PRELID2: variants seen among roughly 807,000 people sequenced by gnomAD.
PRELID2 encodes the protein PRELI domain-containing protein 2.
A neutral mutation model predicts 28.4 loss-of-function variants in PRELID2; 25 were observed. That is an observed-to-expected ratio of 0.88 (90% CI 0.64 to 1.23). The LOEUF (loss-of-function observed/expected upper bound fraction) is 1.23. PRELID2 is among the 50% of genes most tolerant of loss of function. PRELID2 has a pLI of 0.00. For missense variants in PRELID2, 201 were observed against 214.4 expected (o/e 0.94, Z 0.39); for synonymous variants, 76 against 71.6 (o/e 1.06, Z -0.31).
the PRELID2 span, among the ~76,000 whole-genome samples, chr5:145,358,386 C>G: frequency 1.5e-4 from 23 of 151,942 alleles, no homozygotes; most frequent in African/African-American, 5.6e-4. Context: ...CAGCCATTGT[C>G]CCACCTTGCT....
At chr5:145,593,563 G>C (rs1309344233) in intron 1 of PRELID2, among the ~76,000 whole-genome samples, 1 of 152,054 alleles carries the variant, frequency 6.6e-6, no homozygotes. Flanking sequence ...GAATCCTAAG[G>C]AATCAACTCA....
At chr5:145,706,471 G>T (rs549489334) in intron 1 of PRELID2, among the ~76,000 whole-genome samples, 2 of 152,112 alleles carry the variant, frequency 1.3e-5, no homozygotes, top group East Asian at 3.9e-4. Flanking sequence ...TCAAGGGAGC[G>T]CCCACTCAAA....
At chr5:145,663,106 T>C (rs189833652) in intron 1 of PRELID2, among the ~76,000 whole-genome samples, 1 of 152,138 alleles carries the variant, frequency 6.6e-6, no homozygotes, top group Non-Finnish European at 1.5e-5. Flanking sequence ...TCTATAGATA[T>C]GGGACATGCT....
chr5:145,790,721 G>GTGTGTGTGTGTATATATATA lies in PRELID2; in HGVS notation c.474+5720_474+5721insTATATATATACACACACACA, dbSNP rs772901344. Among the ~76,000 whole-genome samples, 117 of 110,892 alleles carry GTGTGTGTGTGTATATATATA rather than the reference G, an allele frequency of 1.1e-3. 2 individuals are homozygous for GTGTGTGTGTGTATATATATA. Among genetic ancestry groups the GTGTGTGTGTGTATATATATA allele is most frequent in the East Asian group, 9.5e-3 (33 of 3,458 alleles). 72.7% of individuals were successfully genotyped at this position (110,892 alleles called of 152,430 possible). On this transcript the variant is annotated intron_variant, in intron 5 of 6. Coordinates refer to ENST00000683046, the MANE Select transcript of PRELID2 (RefSeq NM_205846.3). ...CCACATTGTGTGTGTGTGTGTGTGT[G>GTGTGTGTGTGTATATATATA]TATATATATATATATATATATATAT...
At chr5:145,308,772 G>A in the PRELID2 span, among the ~76,000 whole-genome samples, 1 of 152,128 alleles carries the variant, frequency 6.6e-6, no homozygotes, top group African/African-American at 2.4e-5. Flanking sequence ...TGGCAACAAA[G>A]AATTCAAATA....
intron 1 of PRELID2, among the ~76,000 whole-genome samples, chr5:145,548,400 T>A (rs1752805141): frequency 6.6e-6 from 1 of 152,250 alleles, no homozygotes; most frequent in Non-Finnish European, 1.5e-5. Flanking sequence ...AAAATTGCTC[T>A]GTCTTTGGCC....
rs1311875833 is a variant in PRELID2 at position 145,492,960 on chromosome 5, A to G, written n.71-19645T>C. Among the ~76,000 whole-genome samples the G allele has an allele frequency of 1.4e-5, 2 of 140,420 alleles. 1 individual carries two copies. Among genetic ancestry groups the G allele is most frequent in the Non-Finnish European group, 3.2e-5 (2 of 62,400 alleles). 92.1% of individuals were successfully genotyped at this position (140,420 alleles called of 152,430 possible). On this transcript the variant is annotated intron_variant and non_coding_transcript_variant, in intron 1 of 2. Coordinates refer to the PRELID2 transcript ENST00000510259. The stretch of plus-strand genomic sequence containing the variant: ...GTGGTAAGCCCAGTGTTGGGGTAAA[A>G]GTCAATGTTCTGTATTCACTTCCCT...
chr5:145,713,785 TTTTAAATGTAATTACA>T (rs1255044090), intron 1 of PRELID2, among the ~76,000 whole-genome samples: 2 of 149,062 alleles, frequency 1.3e-5, no homozygotes, highest in East Asian at 2.0e-4. Context: ...TGGAATTACA[TTTTAAATGTAATTACA>T]TTTAAATGTA....
chr5:145,526,970 C>T (rs1752609743), intron 1 of PRELID2, among the ~76,000 whole-genome samples: 1 of 152,146 alleles, frequency 6.6e-6, no homozygotes, highest in Non-Finnish European at 1.5e-5. Context: ...CCATTTAATA[C>T]TGAACAATGT....
At chr5:145,727,209 G>C (rs924154012) in intron 1 of PRELID2, among the ~76,000 whole-genome samples, 2 of 152,184 alleles carry the variant, frequency 1.3e-5, no homozygotes, top group African/African-American at 2.4e-5. Flanking sequence ...TAGGAGACTG[G>C]GAGGGCTAGA....
At chr5:145,320,273 C>G in the PRELID2 span, among the ~76,000 whole-genome samples, 1 of 142,786 alleles carries the variant, frequency 7.0e-6, no homozygotes, top group South Asian at 2.2e-4. Flanking sequence ...CACTCAACAG[C>G]TTTTTTTTTT....
chr5:145,827,973 G>A (rs1035611506), intron 1 of PRELID2, among the ~76,000 whole-genome samples: 1 of 152,120 alleles, frequency 6.6e-6, no homozygotes, highest in African/African-American at 2.4e-5. Context: ...GTGGTTTGGG[G>A]AAGCTGGAAA....
At chr5:145,578,915 G>T (rs1463294293) in intron 1 of PRELID2, among the ~76,000 whole-genome samples, 1 of 152,014 alleles carries the variant, frequency 6.6e-6, no homozygotes, top group African/African-American at 2.4e-5. Flanking sequence ...GTTTATAGTT[G>T]GTAGTGGTAG....
chr5:145,385,536 C>T, the PRELID2 span, among the ~76,000 whole-genome samples: 1 of 152,178 alleles, frequency 6.6e-6, no homozygotes, highest in Middle Eastern at 3.4e-3. Context: ...GTTTGGAAAC[C>T]AATTTAACTT....
intron 1 of PRELID2, among the ~76,000 whole-genome samples, chr5:145,671,634 C>T (rs1290951853): frequency 1.3e-5 from 2 of 152,188 alleles, no homozygotes; most frequent in East Asian, 3.9e-4. Flanking sequence ...AATTCACCAG[C>T]ATTCGACATC....
At chr5:145,484,293 G>A (rs1000493006) in intron 1 of PRELID2, among the ~76,000 whole-genome samples, 1 of 152,172 alleles carries the variant, frequency 6.6e-6, no homozygotes, top group Non-Finnish European at 1.5e-5. Flanking sequence ...ATCCCATGGG[G>A]TAAGAAACAA....
At position 145,696,285 on chromosome 5, in the gene PRELID2, C is replaced by T. The variant is rs984015438; in HGVS notation, n.70+68646G>A. Among the ~76,000 whole-genome samples, 5 of 150,914 alleles carry T rather than the reference C, an allele frequency of 3.3e-5. No individual in the cohort carries two copies. In the East Asian group the frequency reaches 9.8e-4, roughly 30 times the overall value. On this transcript the variant is annotated intron_variant and non_coding_transcript_variant, in intron 1 of 2. Transcript: ENST00000510259. ...TCTTTAAGAGGGCTCCTGAGACAGGCACTGCTTGACACAAAAATATCACAC... is the reference window on the plus strand; with the variant it reads ...TCTTTAAGAGGGCTCCTGAGACAGGTACTGCTTGACACAAAAATATCACAC...
chr5:145,460,283 C>T, the PRELID2 span, among the ~76,000 whole-genome samples: 1 of 152,322 alleles, frequency 6.6e-6, no homozygotes, highest in African/African-American at 2.4e-5. Context: ...GCTAATCACA[C>T]TGCCACCATG....
At chr5:145,472,412 G>C (rs1021934311) in intron 2 of PRELID2, among the ~76,000 whole-genome samples, 2 of 152,088 alleles carry the variant, frequency 1.3e-5, no homozygotes, top group African/African-American at 2.4e-5. Flanking sequence ...GATAGGTTAA[G>C]TGACCTAGTT....
Sources: allele counts gnomAD v4.1 joint callset (sites outside exome capture counted in the v4.1 genomes callset), GRCh38; gene constraint gnomAD v4.1.1; transcripts MANE v1.5; gene names NCBI Gene and HGNC (gene_info 2026-07-23, HGNC 2026-07-21).